The following NTRK3 variants were observed in gnomAD, a reference collection of about 807,000 sequenced individuals.
NTRK3 encodes the protein NT-3 growth factor receptor.
Under a neutral mutation model 91.7 loss-of-function variants are expected in NTRK3, and 24 were observed. That is an observed-to-expected ratio of 0.26 (90% CI 0.19 to 0.37). The LOEUF is 0.37. Among genes scored for constraint, NTRK3 ranks in the 10% least tolerant of loss-of-function variants. The probability of loss-of-function intolerance (pLI) is 1.00; values close to 1 mark genes in which losing one functional copy is unlikely to be tolerated. For missense variants in NTRK3, 880 were observed against 1,068.9 expected, an observed-to-expected ratio of 0.82 and a Z score of 2.46; for synonymous variants, 483 against 404.0, an observed-to-expected ratio of 1.20 and a Z score of -2.34.
At chr15:88,206,420 AG>A (rs1413388520) in intron 3 of NTRK3, among the ~76,000 whole-genome samples, 1 of 149,418 alleles carries the variant, frequency 6.7e-6, no homozygotes, top group African/African-American at 2.5e-5. Context: ...GCACTTTGGA[AG>A]GCCGAGGCGG....
intron 13 of NTRK3, among the ~76,000 whole-genome samples, chr15:88,068,169 C>T (rs761895867): frequency 1.3e-5 from 2 of 152,148 alleles, no homozygotes; most frequent in Admixed American, 6.5e-5. Context: ...CAGTGGCTCA[C>T]GTCTGTTACC....
chr15:87,862,177 G>T (rs1424907810), exon 19 of NTRK3: 1 of 220,500 alleles, frequency 4.5e-6, no homozygotes, highest in East Asian at 6.6e-5. Flanking sequence ...CTTTTTTGCA[G>T]GGCAAGTGTG....
intron 17 of NTRK3, among the ~76,000 whole-genome samples, chr15:87,911,859 A>C (rs1263596176): frequency 1.3e-5 from 2 of 152,262 alleles, no homozygotes; most frequent in Non-Finnish European, 1.5e-5. Flanking sequence ...TTATATAATC[A>C]GTGAAATAAG....
chr15:87,906,968 A>G (rs1365949654), intron 17 of NTRK3, among the ~76,000 whole-genome samples: 1 of 152,242 alleles, frequency 6.6e-6, no homozygotes, highest in South Asian at 2.1e-4. Context: ...CTCAGGATAC[A>G]TGGATAAAAT....
At chr15:87,910,438 T>A (rs1276711303) in intron 17 of NTRK3, among the ~76,000 whole-genome samples, 3 of 152,160 alleles carry the variant, frequency 2.0e-5, no homozygotes, top group Non-Finnish European at 4.4e-5. Flanking sequence ...ATGCTAACGG[T>A]TGCTGAGGTG....
chr15:88,151,644 CCT>C (rs1158796283), intron 5 of NTRK3, among the ~76,000 whole-genome samples: 1 of 152,140 alleles, frequency 6.6e-6, no homozygotes. Context: ...CAGATGAGTC[CCT>C]CTGTTGCCCC....
At chr15:87,940,069 A>T (rs1226510331) in intron 15 of NTRK3, among the ~76,000 whole-genome samples, 1 of 152,162 alleles carries the variant, frequency 6.6e-6, no homozygotes, top group Non-Finnish European at 1.5e-5. Context: ...TCTGAACCTG[A>T]AACCCATGGG....
At chr15:88,223,184 A>G (rs752877440) in intron 3 of NTRK3, among the ~76,000 whole-genome samples, 12 of 152,220 alleles carry the variant, frequency 7.9e-5, no homozygotes, top group Non-Finnish European at 1.6e-4. Context: ...CACGGCCCCC[A>G]GGGCGGACAG....
At position 87,898,914 on chromosome 15, in the gene NTRK3, G is replaced by C. The variant is rs757244095; in HGVS notation, c.2134-18486C>G. 1.3e-3 allele frequency among the ~76,000 whole-genome samples: 202 copies of C among 151,252 alleles called. 2 individuals are homozygous for C. Among genetic ancestry groups the C allele is most frequent in the Non-Finnish European group, 1.9e-3 (129 of 67,930 alleles). ...GCTACTTGGGAGGCTGACACACATA[G>C]ACATTTTCAATCCAGTCCCTCATCT... On this transcript the variant is annotated intron_variant, in intron 17 of 18. Coordinates refer to ENST00000394480, the Ensembl canonical transcript of NTRK3.
At chr15:88,199,615 A>T (rs1349189680) in intron 3 of NTRK3, among the ~76,000 whole-genome samples, 1 of 152,174 alleles carries the variant, frequency 6.6e-6, no homozygotes, top group African/African-American at 2.4e-5. Flanking sequence ...AAAGACTCTA[A>T]CCGCCCCTCT....
intron 14 of NTRK3, among the ~76,000 whole-genome samples, chr15:87,957,614 T>A (rs1002402596): frequency 7.1e-6 from 1 of 141,716 alleles, no homozygotes; most frequent in African/African-American, 2.8e-5. Context: ...GGCTACACTA[T>A]AATTACGTTA....
chr15:87,877,409 C>T (rs745559679), intron 18 of NTRK3, among the ~76,000 whole-genome samples: 15 of 152,096 alleles, frequency 9.9e-5, no homozygotes, highest in Non-Finnish European at 1.9e-4. Flanking sequence ...TCTCTTTTAC[C>T]TCACTTTTCT....
At chr15:88,111,287 G>A (rs1248294822) in intron 13 of NTRK3, among the ~76,000 whole-genome samples, 1 of 152,162 alleles carries the variant, frequency 6.6e-6, no homozygotes, top group Non-Finnish European at 1.5e-5. Flanking sequence ...GTTTCTACCA[G>A]GAGGTGTTAT....
At chr15:87,995,578 G>A (rs2075630096) in intron 14 of NTRK3, among the ~76,000 whole-genome samples, 1 of 152,176 alleles carries the variant, frequency 6.6e-6, no homozygotes, top group Admixed American at 6.5e-5. Context: ...GATCATGAAG[G>A]AACTTGAGAG....
At chr15:88,136,398 C>T (rs2151206297) in intron 8 of NTRK3, 69 bp downstream of exon 8, 8 of 1,604,444 alleles carry the variant, frequency 5.0e-6, no homozygotes, top group East Asian at 4.5e-5. Context: ...GCAAATTTTC[C>T]CTCTTCTTCA....
chr15:88,108,318 C>G (rs966232316), intron 13 of NTRK3, among the ~76,000 whole-genome samples: 1 of 152,196 alleles, frequency 6.6e-6, no homozygotes, highest in Non-Finnish European at 1.5e-5. Context: ...CACTACCTGC[C>G]CGGAGTTCAT....
chr15:88,176,790 C>G (rs190525854), intron 5 of NTRK3, among the ~76,000 whole-genome samples: 20 of 152,162 alleles, frequency 1.3e-4, no homozygotes, highest in African/African-American at 4.8e-4. Context: ...AGTTTACATT[C>G]CAGTGCGGGA....
intron 14 of NTRK3, chr15:87,978,755 CA>C (rs2073939863): frequency 4.3e-6 from 1 of 234,104 alleles, no homozygotes; most frequent in Non-Finnish European, 8.4e-6. Context: ...GATTGGTTTC[CA>C]TTCTTTCCTC....
intron 5 of NTRK3, among the ~76,000 whole-genome samples, chr15:88,171,192 C>T (rs1301123523): frequency 6.6e-6 from 1 of 152,186 alleles, no homozygotes; most frequent in Non-Finnish European, 1.5e-5. Flanking sequence ...GCAAGCCATG[C>T]TCTAAATCCA....
Sources: gnomAD v4.1 joint callset for allele counts (sites outside exome capture counted in the v4.1 genomes callset) on GRCh38, gnomAD v4.1.1 for gene constraint, MANE v1.5 for transcripts, NCBI Gene and HGNC (gene_info 2026-07-23, HGNC 2026-07-21) for gene names.